The following FGD3 variants were observed in gnomAD, a reference collection of about 807,000 sequenced individuals.
The protein encoded by FGD3 is FYVE, RhoGEF and PH domain containing 3.
FGD3 carries 45 observed loss-of-function variants against 71.8 expected under a neutral mutation model. The ratio of observed to expected loss-of-function variants is 0.63; its 90% CI spans 0.49 to 0.80. FGD3 has a LOEUF of 0.80. FGD3 is among the 30% of genes least tolerant of loss of function. The pLI, the probability that FGD3 is intolerant of heterozygous loss-of-function variation, is 0.00. For missense variants in FGD3, 844 were observed against 951.5 expected, an observed-to-expected ratio of 0.89 and a Z score of 1.49; for synonymous variants, 378 against 392.8, an observed-to-expected ratio of 0.96 and a Z score of 0.44.
At chr9:92,966,154 C>T (rs746190398) in intron 1 of FGD3, among the ~76,000 whole-genome samples, 37 of 152,158 alleles carry the variant, frequency 2.4e-4, no homozygotes, top group Non-Finnish European at 4.1e-4. Context: ...TATTGTGGGT[C>T]CTTGTAGGTG....
intron 13 of FGD3, among the ~76,000 whole-genome samples, chr9:93,021,556 G>A (rs540963950): frequency 6.6e-6 from 1 of 152,236 alleles, no homozygotes; most frequent in East Asian, 1.9e-4. Flanking sequence ...CAGGAGAGAC[G>A]GTGCCCTGAA....
intron 5 of FGD3, among the ~76,000 whole-genome samples, chr9:93,004,596 G>C (rs1860981905): frequency 6.6e-6 from 1 of 152,174 alleles, no homozygotes; most frequent in South Asian, 2.1e-4. Flanking sequence ...TTCATTAGCA[G>C]AGGGACAGCT....
At chr9:93,034,417 T>A (rs1272468138) in intron 16 of FGD3, 124 bp from the exon 17 acceptor site, 2 of 1,317,676 alleles carry the variant, frequency 1.5e-6, no homozygotes, top group Non-Finnish European at 2.1e-6. Flanking sequence ...TCTGTGCAGA[T>A]CTTGGCCATG....
intron 1 of FGD3, among the ~76,000 whole-genome samples, chr9:92,959,655 C>T (rs1349202548): frequency 7.6e-6 from 1 of 131,310 alleles, no homozygotes; most frequent in Non-Finnish European, 1.5e-5. Flanking sequence ...TACAGTGAGT[C>T]ATGATCGGTC....
At chr9:92,983,802 A>G (rs925294376) in intron 3 of FGD3, among the ~76,000 whole-genome samples, 1 of 152,206 alleles carries the variant, frequency 6.6e-6, no homozygotes, top group East Asian at 1.9e-4. Context: ...TTTAACCTTT[A>G]TCTTTATCAT....
chr9:92,958,297 C>G (rs1300655068), intron 1 of FGD3, among the ~76,000 whole-genome samples: 1 of 152,116 alleles, frequency 6.6e-6, no homozygotes, highest in Non-Finnish European at 1.5e-5. Flanking sequence ...CCTTGCCCGG[C>G]CTTAAAGACT....
intron 6 of FGD3, among the ~76,000 whole-genome samples, chr9:93,009,921 A>G (rs761376257): frequency 6.6e-6 from 1 of 152,144 alleles, no homozygotes; most frequent in African/African-American, 2.4e-5. Context: ...CGGGTGGGTG[A>G]GAGTGGGGAA....
chr9:93,015,921 C>T (rs1861663786), intron 10 of FGD3, 92 bp downstream of exon 10: 1 of 1,137,912 alleles, frequency 8.8e-7, no homozygotes, highest in Admixed American at 1.7e-5. Context: ...AGGCACTCAC[C>T]TCTGTGCAGC....
In FGD3 at chr9:92,976,674, C is replaced by A. The variant is rs199501199; in HGVS notation, c.418C>A (p.Pro140Thr). The A allele has an allele frequency of 4.1e-5, 66 of 1,603,928 alleles. No individual in the cohort carries two copies. Among genetic ancestry groups the A allele is most frequent in the Middle Eastern group, 1.7e-4 (1 of 5,996 alleles). ...VGEEPDSENT[P>T]QKADKDAGLA... ...TGAGGAACCTGACTCTGAGAACACC[C>A]CCCAGAAGGCTGACAAGGATGCCGG... The change falls in exon 3 of 18, where the codon CCC becomes ACC. Residue 140 changes from proline (P) to threonine (T), a missense_variant. Coordinates refer to ENST00000375482, the MANE Select transcript of FGD3 (RefSeq NM_001083536.2).
chr9:93,032,969 C>A, intron 16 of FGD3, 96 bp downstream of exon 16: 6 of 1,190,244 alleles, frequency 5.0e-6, no homozygotes, highest in Non-Finnish European at 7.5e-6. Context: ...CCTCTGCTTT[C>A]GGAGTGTCCC....
chr9:92,953,782 T>C (rs2118498512), intron 1 of FGD3, among the ~76,000 whole-genome samples: 1 of 152,320 alleles, frequency 6.6e-6, no homozygotes, highest in East Asian at 1.9e-4. Flanking sequence ...TAAAGTAACC[T>C]AGAAAATGTT....
chr9:93,030,223 A>C lies in FGD3; in HGVS notation c.1680+227A>C, dbSNP rs190639607. ...TCAGCTCTGGTGTTCAACAAACACT[A>C]CTTGTGGTTGAAAAAGTGCTGGATT... On this transcript the variant is annotated intron_variant, in intron 15 of 17. Coordinates refer to ENST00000375482, the MANE Select transcript of FGD3 (RefSeq NM_001083536.2). 3.3e-5 allele frequency among the ~76,000 whole-genome samples: 5 copies of C among 152,338 alleles called. No homozygotes were observed. In the East Asian group the frequency reaches 9.6e-4, roughly 29 times the overall value.
chr9:93,012,840 C>A (rs1861488661), intron 8 of FGD3, among the ~76,000 whole-genome samples: 1 of 152,120 alleles, frequency 6.6e-6, no homozygotes, highest in Non-Finnish European at 1.5e-5. Context: ...CTCACCCAGC[C>A]CCCTGGGACA....
At chr9:93,006,278 C>T (rs1861051377) in intron 6 of FGD3, 98 bp downstream of exon 6, 8 of 1,224,386 alleles carry the variant, frequency 6.5e-6, no homozygotes, top group Non-Finnish European at 8.4e-6. Context: ...GTATATTTTA[C>T]TCCAAAAAGT....
chr9:93,016,282 G>A (rs1023656070), intron 10 of FGD3, among the ~76,000 whole-genome samples: 31 of 151,974 alleles, frequency 2.0e-4, no homozygotes, highest in Non-Finnish European at 4.1e-4. Flanking sequence ...CTCCTGCACC[G>A]GAGCCGGGGG....
Position 93,029,867 on chromosome 9 carries a change from C to G in FGD3, c.1558-7C>G. The G allele has an allele frequency of 6.2e-7, 1 of 1,611,650 alleles. No homozygotes were observed. The highest frequency in any genetic ancestry group is 8.5e-7 in the Non-Finnish European group (1 of 1,178,652). Reference sequence around the variant, plus strand: ...GAAGCTGATGGCATCTATTTGCCTCCTTATAGCTCGAGCCCAGAAAACTAT... The same window carrying G: ...GAAGCTGATGGCATCTATTTGCCTCGTTATAGCTCGAGCCCAGAAAACTAT... On this transcript the variant is annotated splice_region_variant and splice_polypyrimidine_tract_variant and intron_variant, in intron 14 of 17. Coordinates refer to ENST00000375482, the MANE Select transcript of FGD3 (RefSeq NM_001083536.2).
intron 1 of FGD3, among the ~76,000 whole-genome samples, chr9:92,965,737 G>A (rs935964494): frequency 1.3e-5 from 2 of 152,210 alleles, no homozygotes; most frequent in Admixed American, 6.5e-5. Context: ...TGCCCCTTGA[G>A]GACTCCCAGG....
chr9:92,974,587 C>G (rs1859653648), intron 1 of FGD3: 1 of 152,306 alleles, frequency 6.6e-6, no homozygotes, highest in South Asian at 2.1e-4. Context: ...CACGCCCTGC[C>G]CAGAGGCACA....
At chr9:93,015,920 C>A in intron 10 of FGD3, 91 bp downstream of exon 10, 1 of 1,155,922 alleles carries the variant, frequency 8.7e-7, no homozygotes, top group Admixed American at 1.7e-5. Context: ...GAGGCACTCA[C>A]CTCTGTGCAG....
Sources: allele counts gnomAD v4.1 joint callset (sites outside exome capture counted in the v4.1 genomes callset), GRCh38; gene constraint gnomAD v4.1.1; transcripts MANE v1.5; gene names NCBI Gene and HGNC (gene_info 2026-07-23, HGNC 2026-07-21).